PKHD1: variants seen among roughly 807,000 people sequenced by gnomAD.
PKHD1 encodes PKHD1 ciliary IPT domain containing fibrocystin/polyductin.
A neutral mutation model predicts 412.0 loss-of-function variants in PKHD1; 291 were observed. That is an observed-to-expected ratio of 0.71 (90% CI 0.64 to 0.78). PKHD1 has a LOEUF of 0.78. Among genes scored for constraint, PKHD1 ranks in the 30% least tolerant of loss-of-function variants. The pLI is 0.00. For missense variants in PKHD1, 4,825 were observed against 4,950.7 expected (o/e 0.97, Z 0.76); for synonymous variants, 1,777 against 1,821.5 (o/e 0.98, Z 0.62).
rs183981245 is a variant in PKHD1, at chr6:52,002,060, T to A, written c.5751+8249A>T. On this transcript the variant is annotated intron_variant, in intron 35 of 66. Coordinates refer to ENST00000371117, the MANE Select transcript of PKHD1 (RefSeq NM_138694.4). ...TTCTTACAACCCTACAAGGTAGGAA[T>A]TAACAGACTCAGTGAAGTTAAGAAA... Among the ~76,000 whole-genome samples, 1,176 of 152,310 alleles carry A rather than the reference T, an allele frequency of 7.7e-3. 5 individuals are homozygous for A. The highest frequency in any genetic ancestry group is 0.014 in the Non-Finnish European group (948 of 68,022).
intron 41 of PKHD1, 37 bp downstream of exon 41, chr6:51,906,178 C>T (rs1301296545): frequency 6.3e-7 from 1 of 1,586,542 alleles, no homozygotes; most frequent in South Asian, 1.1e-5. Flanking sequence ...GTGTCCTACA[C>T]AAGAATGCAG....
chr6:51,930,461 G>A (rs748016488), intron 37 of PKHD1, among the ~76,000 whole-genome samples: 4 of 152,136 alleles, frequency 2.6e-5, no homozygotes, highest in East Asian at 1.9e-4. Context: ...TACATGTAAC[G>A]TGCTTTCAAC....
chr6:51,833,508 A>G (rs1344009646), intron 51 of PKHD1, among the ~76,000 whole-genome samples: 9 of 151,034 alleles, frequency 6.0e-5, no homozygotes, highest in African/African-American at 1.2e-4. Context: ...TTGTGGAGAG[A>G]AAAAGAAGCC....
chr6:51,963,652 C>T (rs778703514), intron 35 of PKHD1, among the ~76,000 whole-genome samples: 1 of 152,014 alleles, frequency 6.6e-6, no homozygotes, highest in Non-Finnish European at 1.5e-5. Flanking sequence ...CAGGGAAATG[C>T]TCCATGAAAC....
intron 60 of PKHD1, among the ~76,000 whole-genome samples, chr6:51,719,053 T>C (rs1781594114): frequency 6.6e-6 from 1 of 152,112 alleles, no homozygotes; most frequent in Non-Finnish European, 1.5e-5. Context: ...GATACTAATA[T>C]ATTAACATGA....
At position 51,748,053 on chromosome 6, in the gene PKHD1, G is replaced by A. The variant is rs764109644; in HGVS notation, c.9563C>T (p.Ala3188Val). Reference sequence around the variant, plus strand: ...CACTTTTTTGACGGAATTTTGTGGAGCAGAAAATACATACACTACTGCCAA... The same window carrying A: ...CACTTTTTTGACGGAATTTTGTGGAACAGAAAATACATACACTACTGCCAA... ...GLLAVVYVFS[A>V]PQNSVKKVQI... Residue 3188 changes from alanine to valine, a missense_variant, in exon 58 of 67, where the codon GCT (alanine) becomes GTT (valine). Physicochemically the swap from Ala to Val is moderately conservative, Grantham distance 64 (BLOSUM62 0). Transcript: ENST00000371117. The A allele has an allele frequency of 1.2e-6, 2 of 1,613,956 alleles. No individual in the cohort carries two copies. Among genetic ancestry groups the A allele is most frequent in the East Asian group, 2.2e-5 (1 of 44,892 alleles).
intron 35 of PKHD1, among the ~76,000 whole-genome samples, chr6:51,988,995 T>C (rs1460519507): frequency 6.6e-6 from 1 of 152,238 alleles, no homozygotes; most frequent in Non-Finnish European, 1.5e-5. Flanking sequence ...AGTCTGTGGC[T>C]TTAGAAAAGG....
rs760373667 is a variant in PKHD1, at chr6:52,056,804, A to C, written c.1603-16T>G. On this transcript the variant is annotated splice_polypyrimidine_tract_variant and intron_variant, in intron 17 of 66. Transcript: ENST00000371117. ...TTGTTTGAATCTATTACAAAGGAAA[A>C]AAATGCCAGGAATTTATATCATGAG... The C allele has an allele frequency of 3.1e-6, 5 of 1,605,316 alleles. No homozygotes were observed. In the East Asian group the frequency reaches 1.1e-4, roughly 36 times the overall value.
intron 53 of PKHD1, among the ~76,000 whole-genome samples, chr6:51,789,155 C>G (rs1220363708): frequency 6.6e-6 from 1 of 152,108 alleles, no homozygotes; most frequent in Non-Finnish European, 1.5e-5. Flanking sequence ...GAGGGAATCT[C>G]ATAACTATGG....
intron 43 of PKHD1, among the ~76,000 whole-genome samples, chr6:51,895,061 G>T (rs1390880532): frequency 6.6e-6 from 1 of 152,040 alleles, no homozygotes; most frequent in African/African-American, 2.4e-5. Flanking sequence ...CACACACCTT[G>T]TTATTGTGGA....
chr6:52,041,394 T>C (rs9474134), intron 27 of PKHD1, among the ~76,000 whole-genome samples: 4,368 of 152,230 alleles, frequency 0.029, 220 homozygotes, highest in African/African-American at 0.1. Flanking sequence ...TCATGGGTAT[T>C]ACAGATACTG....
chr6:51,857,374 G>T (rs370501743), intron 48 of PKHD1, among the ~76,000 whole-genome samples: 1 of 152,212 alleles, frequency 6.6e-6, no homozygotes, highest in Non-Finnish European at 1.5e-5. Flanking sequence ...GTGAGATGGG[G>T]CATGAGTATA....
At chr6:51,746,303 G>A (rs2150971439) in intron 59 of PKHD1, among the ~76,000 whole-genome samples, 1 of 152,270 alleles carries the variant, frequency 6.6e-6, no homozygotes, top group Admixed American at 6.5e-5. Context: ...GAAGACCACT[G>A]ACACTTTACT....
chr6:51,841,169 T>C (rs181907870), intron 50 of PKHD1, among the ~76,000 whole-genome samples: 2 of 152,312 alleles, frequency 1.3e-5, no homozygotes, highest in African/African-American at 4.8e-5. Context: ...TTTAAAAGGT[T>C]AGGTATATAA....
chr6:51,635,662 C>G (rs1455374640), intron 64 of PKHD1, among the ~76,000 whole-genome samples: 1 of 151,922 alleles, frequency 6.6e-6, no homozygotes, highest in Non-Finnish European at 1.5e-5. Context: ...TTATAAGACA[C>G]AGTGGCTGGA....
intron 35 of PKHD1, among the ~76,000 whole-genome samples, chr6:51,996,038 C>T (rs1011689620): frequency 6.6e-6 from 1 of 151,486 alleles, no homozygotes; most frequent in African/African-American, 2.4e-5. Flanking sequence ...TGGAGTCTCG[C>T]TCCGTCGCCC....
At chr6:51,728,313 G>C (rs1393996401) in intron 60 of PKHD1, among the ~76,000 whole-genome samples, 1 of 152,098 alleles carries the variant, frequency 6.6e-6, no homozygotes, top group Non-Finnish European at 1.5e-5. Context: ...GTTCAAGAGG[G>C]GCCACTGGAG....
intron 52 of PKHD1, among the ~76,000 whole-genome samples, chr6:51,802,935 T>C (rs1268755903): frequency 6.6e-6 from 1 of 150,554 alleles, no homozygotes; most frequent in African/African-American, 2.5e-5. Context: ...ATTATTAAAA[T>C]CTTAAAAATA....
At chr6:51,790,685 T>C (rs1040953714) in intron 53 of PKHD1, among the ~76,000 whole-genome samples, 1 of 152,206 alleles carries the variant, frequency 6.6e-6, no homozygotes, top group Non-Finnish European at 1.5e-5. Context: ...TTTGAGAAGC[T>C]GTGGCTACCT....
Sources: gnomAD v4.1 joint callset for allele counts (sites outside exome capture counted in the v4.1 genomes callset) on GRCh38, gnomAD v4.1.1 for gene constraint, MANE v1.5 for transcripts, NCBI Gene and HGNC (gene_info 2026-07-23, HGNC 2026-07-21) for gene names.